GOLGA8A: variants seen among roughly 807,000 people sequenced by gnomAD.
GOLGA8A encodes the protein golgin A8 family member A.
A neutral mutation model predicts 22.1 loss-of-function variants in GOLGA8A; 3 were observed. That is an observed-to-expected ratio of 0.14 (90% CI 0.06 to 0.35). The LOEUF is 0.35. Ranked by LOEUF, GOLGA8A falls within the 10% of genes least tolerant of loss-of-function variation. The probability of loss-of-function intolerance (pLI) is 1.00; values close to 1 mark genes in which losing one functional copy is unlikely to be tolerated. For missense variants in GOLGA8A, 16 were observed against 233.2 expected (o/e 0.07, Z 6.07); for synonymous variants, 7 against 91.7 (o/e 0.08, Z 5.28).
chr15:34,425,137 G>A (rs1398564998), intron 2 of GOLGA8A, among the ~76,000 whole-genome samples: 1 of 144,660 alleles, frequency 6.9e-6, no homozygotes, highest in African/African-American at 2.5e-5. Flanking sequence ...AGGAATATAG[G>A]AGAAAGGTTG....
intron 2 of GOLGA8A, among the ~76,000 whole-genome samples, chr15:34,425,278 T>C (rs2453694): frequency 2.0e-5 from 3 of 146,408 alleles, no homozygotes; most frequent in Non-Finnish European, 3.0e-5. Context: ...GAATGGAGAA[T>C]CCAGAAACAC....
intron 5 of GOLGA8A, among the ~76,000 whole-genome samples, chr15:34,402,971 C>T (rs1287012299): frequency 1.3e-4 from 14 of 109,156 alleles, no homozygotes; most frequent in Non-Finnish European, 2.4e-4. Flanking sequence ...ATTTCCAACA[C>T]TCAACATTTC....
At chr15:34,433,222 G>A (rs1432372718) in intron 2 of GOLGA8A, among the ~76,000 whole-genome samples, 1 of 149,020 alleles carries the variant, frequency 6.7e-6, no homozygotes, top group African/African-American at 2.5e-5. Context: ...AAAGCAGAGT[G>A]GCTGAGAGCC....
rs1432103528 is a variant in GOLGA8A, at chr15:34,424,228, C to T, written c.-1123+11155G>A. 1.0e-4 allele frequency among the ~76,000 whole-genome samples: 14 copies of T among 137,934 alleles called. 1 individual carries two copies. The highest frequency in any genetic ancestry group is 1.6e-4 in the Non-Finnish European group (10 of 63,602). 90.5% of individuals were successfully genotyped at this position (137,934 alleles called of 152,430 possible). A position where few individuals can be genotyped will look rare whatever the true frequency, so the allele number is the denominator to read the frequency against. ...GGCCTGCTTCCACTCTGTGACACAG[C>T]GGCTGCCCTGGGGACTGCTGAGCTA... On this transcript the variant is annotated intron_variant, in intron 2 of 24. Coordinates refer to ENST00000359187, the MANE Select transcript of GOLGA8A (RefSeq NM_181077.5).
chr15:34,392,386 TACCATGAAACAG>T (rs1466629641), intron 8 of GOLGA8A, among the ~76,000 whole-genome samples: 117 of 9,208 alleles, frequency 0.013, 1 homozygote, highest in African/African-American at 0.052. Context: ...GGGAAGGGAT[TACCATGAAACAG>T]ACCCTAGCAG....
intron 2 of GOLGA8A, among the ~76,000 whole-genome samples, chr15:34,421,639 T>G (rs1360674816): frequency 7.0e-6 from 1 of 142,944 alleles, no homozygotes; most frequent in Non-Finnish European, 1.5e-5. Context: ...AGCTCAGGGG[T>G]CCACGACAAA....
At chr15:34,421,554 C>T (rs1342327621) in intron 2 of GOLGA8A, among the ~76,000 whole-genome samples, 1 of 143,310 alleles carries the variant, frequency 7.0e-6, no homozygotes, top group Non-Finnish European at 1.5e-5. Context: ...TTTCAAGCAA[C>T]ACACAATGAT....
intron 2 of GOLGA8A, among the ~76,000 whole-genome samples, chr15:34,433,193 G>A (rs1448526754): frequency 1.4e-5 from 2 of 148,076 alleles, no homozygotes; most frequent in Non-Finnish European, 3.0e-5. Flanking sequence ...AGTCAGGCAG[G>A]AGGAGGCTTC....
rs938561235 is a variant in GOLGA8A at position 34,437,392 on chromosome 15, G to A, written c.-1212+6C>T. 10 of 141,898 alleles carry A rather than the reference G, an allele frequency of 7.0e-5. 1 individual carries two copies. In the East Asian group the frequency reaches 1.1e-3, roughly 15 times the overall value. 8.8% of individuals were successfully genotyped at this position (141,898 alleles called of 1,614,324 possible). On this transcript the variant is annotated splice_donor_region_variant and intron_variant, in intron 1 of 24. Coordinates refer to ENST00000359187, the MANE Select transcript of GOLGA8A (RefSeq NM_181077.5). ...CGAGTCAGGCAGCCGAGGTTCCCCA[G>A]CTTACCTGGCCAGGGCGCGGGGCTG...
Position 34,420,320 on chromosome 15 carries a change from C to A in GOLGA8A, c.-1122-12585G>T, listed in dbSNP as rs1446619979. ...TGGCTTCATCAGGGAGTGACAGGGG[C>A]GTGATTTACTACTGGAGGACAAGGC... is the stretch of plus-strand genomic sequence containing the variant. On this transcript the variant is annotated intron_variant, in intron 2 of 24. Transcript: ENST00000359187. The A allele has an allele frequency of 1.6e-3, 237 of 144,434 alleles. 6 individuals carry two copies. Among genetic ancestry groups the A allele is most frequent in the African/African-American group, 5.9e-3 (227 of 38,676 alleles). 8.9% of individuals were successfully genotyped at this position (144,434 alleles called of 1,614,324 possible).
chr15:34,427,565 T>C (rs1893038608), intron 2 of GOLGA8A, among the ~76,000 whole-genome samples: 1 of 148,200 alleles, frequency 6.7e-6, no homozygotes, highest in Non-Finnish European at 1.5e-5. Context: ...AAGATCCTCC[T>C]GGGGCCGCAG....
chr15:34,430,169 C>G (rs1396870522), intron 2 of GOLGA8A, among the ~76,000 whole-genome samples: 1 of 149,202 alleles, frequency 6.7e-6, no homozygotes, highest in African/African-American at 2.5e-5. Flanking sequence ...AATTTAGAAG[C>G]TGAAATCTGT....
At chr15:34,409,085 TC>T (rs1892303126) in intron 2 of GOLGA8A, among the ~76,000 whole-genome samples, 2 of 135,108 alleles carry the variant, frequency 1.5e-5, no homozygotes, top group Non-Finnish European at 3.3e-5. Context: ...CTCCCACCTC[TC>T]TCCCCCCTCC....
Position 34,425,184 on chromosome 15 carries a change from T to C in GOLGA8A, c.-1123+10199A>G, listed in dbSNP as rs1197207865. On this transcript the variant is annotated intron_variant, in intron 2 of 24. Coordinates refer to ENST00000359187, the MANE Select transcript of GOLGA8A (RefSeq NM_181077.5). The stretch of plus-strand genomic sequence containing the variant: ...AAAAAGAAGAGGAATGAAGAGGTAA[T>C]GGCCCTTTAAGATAACTAAGTCTTA... Among the ~76,000 whole-genome samples the C allele has an allele frequency of 4.1e-5, 6 of 146,572 alleles. No individual in the cohort carries two copies. In the East Asian group the frequency reaches 8.2e-4, roughly 20 times the overall value.
At chr15:34,420,946 G>C (rs1892773688) in intron 2 of GOLGA8A, among the ~76,000 whole-genome samples, 1 of 130,498 alleles carries the variant, frequency 7.7e-6, no homozygotes. Context: ...TAGGTGCAGA[G>C]ACACCGCAAT....
chr15:34,432,136 C>G (rs1893283842), intron 2 of GOLGA8A, among the ~76,000 whole-genome samples: 1 of 149,136 alleles, frequency 6.7e-6, no homozygotes, highest in South Asian at 2.2e-4. Flanking sequence ...ATGGAAAACA[C>G]CTTAGTGTCC....
At position 34,379,744 on chromosome 15, in the gene GOLGA8A, G is replaced by C. The variant is rs1369001988; in HGVS notation, c.*1667C>G. The C allele has an allele frequency of 2.0e-5, 3 of 152,550 alleles. No individual in the cohort carries two copies. Among genetic ancestry groups the C allele is most frequent in the Non-Finnish European group, 4.4e-5 (3 of 68,034 alleles). The allele number at this position is 152,550 out of a possible 1,614,324, so 9.4% of individuals were successfully genotyped here. A position where few individuals can be genotyped will look rare whatever the true frequency, so the allele number is the denominator to read the frequency against. On this transcript the variant is annotated 3_prime_UTR_variant, in exon 25 of 25. Coordinates refer to ENST00000359187, the MANE Select transcript of GOLGA8A (RefSeq NM_181077.5). The stretch of plus-strand genomic sequence containing the variant: ...CAACCTAATAATGTGATGTGTTTTG[G>C]AACACAGACATTAGAACTTCATGAA...
intron 2 of GOLGA8A, among the ~76,000 whole-genome samples, chr15:34,426,673 A>G (rs1322156639): frequency 6.9e-6 from 1 of 144,618 alleles, no homozygotes; most frequent in Admixed American, 7.2e-5. Flanking sequence ...CTCAACTCCA[A>G]ATTCCACTGC....
At chr15:34,434,659 G>A (rs114505481) in intron 2 of GOLGA8A, among the ~76,000 whole-genome samples, 14,077 of 148,826 alleles carry the variant, frequency 0.095, 1,774 homozygotes, top group South Asian at 0.25. Flanking sequence ...GTGGGCGCTC[G>A]GGCCAACCAC....
Sources: gnomAD v4.1 joint callset for allele counts (sites outside exome capture counted in the v4.1 genomes callset) on GRCh38, gnomAD v4.1.1 for gene constraint, MANE v1.5 for transcripts, NCBI Gene and HGNC (gene_info 2026-07-23, HGNC 2026-07-21) for gene names.